The following NRG1 variants were observed in gnomAD, a reference collection of about 807,000 sequenced individuals.
NRG1 encodes the protein pro-neuregulin-1, membrane-bound isoform.
A neutral mutation model predicts 63.8 loss-of-function variants in NRG1; 18 were observed. That is an observed-to-expected ratio of 0.28 (90% CI 0.19 to 0.42). The LOEUF (loss-of-function observed/expected upper bound fraction) is 0.42. Ranked by LOEUF, NRG1 falls within the 10% of genes least tolerant of loss-of-function variation. The probability of loss-of-function intolerance (pLI) is 1.00; values close to 1 mark genes in which losing one functional copy is unlikely to be tolerated. For missense variants in NRG1, 762 were observed against 814.7 expected (o/e 0.94, Z 0.79); for synonymous variants, 302 against 301.3 (o/e 1.00, Z -0.02).
chr8:31,828,776 C>T (rs1824827115), intron 1 of NRG1, among the ~76,000 whole-genome samples: 2 of 152,192 alleles, frequency 1.3e-5, no homozygotes, highest in African/African-American at 4.8e-5. Flanking sequence ...CCAGCTTCAT[C>T]CACTCCCCTT....
intron 1 of NRG1, among the ~76,000 whole-genome samples, chr8:32,273,102 C>G (rs1210475400): frequency 6.6e-6 from 1 of 152,120 alleles, no homozygotes. Context: ...AATGAAGAAC[C>G]ATTTGATTAA....
At chr8:32,673,612 C>T (rs1806277954) in intron 5 of NRG1, among the ~76,000 whole-genome samples, 1 of 152,150 alleles carries the variant, frequency 6.6e-6, no homozygotes. Context: ...ACACAACAAC[C>T]TACTAAGTCT....
At chr8:32,646,252 G>A (rs1853509708) in intron 5 of NRG1, among the ~76,000 whole-genome samples, 1 of 152,108 alleles carries the variant, frequency 6.6e-6, no homozygotes, top group African/African-American at 2.4e-5. Flanking sequence ...CCTTCCTCCA[G>A]CCTGTACTCA....
At chr8:31,843,516 A>G (rs138753833) in intron 1 of NRG1, among the ~76,000 whole-genome samples, 1,780 of 152,184 alleles carry the variant, frequency 0.012, 19 homozygotes, top group Middle Eastern at 0.02. Context: ...TTTATTTATA[A>G]AGGTGCACCT....
intron 1 of NRG1, among the ~76,000 whole-genome samples, chr8:31,786,814 G>A (rs531097422): frequency 1.3e-5 from 2 of 152,262 alleles, no homozygotes; most frequent in Middle Eastern, 3.4e-3. Context: ...CGTCCTCCAG[G>A]AAACTCTGTA....
intron 1 of NRG1, among the ~76,000 whole-genome samples, chr8:31,943,999 C>A (rs919527001): frequency 6.6e-6 from 1 of 152,208 alleles, no homozygotes; most frequent in African/African-American, 2.4e-5. Flanking sequence ...ACACATTCTT[C>A]AGTTGCAGCT....
At chr8:32,175,530 T>G (rs1004967009) in intron 1 of NRG1, among the ~76,000 whole-genome samples, 2 of 152,212 alleles carry the variant, frequency 1.3e-5, no homozygotes, top group Non-Finnish European at 2.9e-5. Context: ...TAGTCAAAGA[T>G]GAAGTCAAAT....
chr8:32,616,988 A>G, intron 5 of NRG1, 103 bp downstream of exon 5: 1 of 870,192 alleles, frequency 1.1e-6, no homozygotes, highest in Middle Eastern at 3.5e-4. Context: ...TAAGGGTCAG[A>G]GTATTGAGTT....
intron 1 of NRG1, among the ~76,000 whole-genome samples, chr8:32,403,620 G>A (rs752232335): frequency 5.3e-5 from 8 of 151,984 alleles, no homozygotes; most frequent in South Asian, 2.1e-4. Context: ...TCCTTTATAC[G>A]CTCATGTTTC....
At chr8:32,407,765 G>T (rs1814296380) in intron 1 of NRG1, among the ~76,000 whole-genome samples, 1 of 152,156 alleles carries the variant, frequency 6.6e-6, no homozygotes, top group African/African-American at 2.4e-5. Flanking sequence ...ACTATGAAGT[G>T]TGTTGCTCTA....
At chr8:32,613,082 ATGCT>A (rs1237937666) in intron 3 of NRG1, among the ~76,000 whole-genome samples, 1 of 151,984 alleles carries the variant, frequency 6.6e-6, no homozygotes, top group Non-Finnish European at 1.5e-5. Context: ...TTCTCGCCTG[ATGCT>A]TGAGAAAATC....
chr8:32,410,664 AG>A (rs1414595361), intron 1 of NRG1, among the ~76,000 whole-genome samples: 1 of 152,084 alleles, frequency 6.6e-6, no homozygotes, highest in Non-Finnish European at 1.5e-5. Context: ...CCTTCAACAA[AG>A]AAACTAACCA....
chr8:31,942,698 GACAA>G (rs1160043330), intron 1 of NRG1, among the ~76,000 whole-genome samples: 1 of 151,580 alleles, frequency 6.6e-6, no homozygotes, highest in Admixed American at 6.6e-5. Context: ...GCAAGATAAA[GACAA>G]ACAATCTCAT....
chr8:32,498,592 C>T (rs1469383069), intron 1 of NRG1, among the ~76,000 whole-genome samples: 1 of 151,694 alleles, frequency 6.6e-6, no homozygotes, highest in Non-Finnish European at 1.5e-5. Context: ...CAGCCCCCAT[C>T]GTTCAATTAC....
At chr8:32,178,364 C>T (rs1841033382) in intron 1 of NRG1, among the ~76,000 whole-genome samples, 1 of 152,178 alleles carries the variant, frequency 6.6e-6, no homozygotes, top group Non-Finnish European at 1.5e-5. Context: ...AATCCAAGCA[C>T]TTTGGGAGGC....
chr8:32,380,685 C>CAT (rs1810238822), intron 1 of NRG1, among the ~76,000 whole-genome samples: 1 of 152,172 alleles, frequency 6.6e-6, no homozygotes, highest in Non-Finnish European at 1.5e-5. Context: ...TTTACTTCCT[C>CAT]ATCACCATAC....
intron 1 of NRG1, among the ~76,000 whole-genome samples, chr8:31,756,002 C>T (rs1210682746): frequency 1.3e-5 from 2 of 152,070 alleles, no homozygotes; most frequent in Non-Finnish European, 2.9e-5. Flanking sequence ...TTTATTTTAG[C>T]ACCTTATTTC....
At chr8:31,911,526 C>T (rs181120858) in intron 1 of NRG1, among the ~76,000 whole-genome samples, 20 of 152,076 alleles carry the variant, frequency 1.3e-4, no homozygotes, top group East Asian at 5.8e-4. Context: ...TAAGTGGGAG[C>T]GAAATGATGA....
At chr8:32,425,228 C>T (rs994700484) in intron 1 of NRG1, among the ~76,000 whole-genome samples, 6 of 152,190 alleles carry the variant, frequency 3.9e-5, no homozygotes, top group Non-Finnish European at 7.3e-5. Context: ...CATTTGCATC[C>T]GTTGCCAATA....
Sources: allele counts gnomAD v4.1 joint callset (sites outside exome capture counted in the v4.1 genomes callset), GRCh38; gene constraint gnomAD v4.1.1; transcripts MANE v1.5; gene names NCBI Gene and HGNC (gene_info 2026-07-23, HGNC 2026-07-21).